The following MORN4 variants were observed in gnomAD, a reference collection of about 807,000 sequenced individuals.
MORN4 encodes the protein MORN repeat-containing protein 4.
Under a neutral mutation model 16.4 loss-of-function variants are expected in MORN4, and 8 were observed. That is an observed-to-expected ratio of 0.49 (90% CI 0.29 to 0.88). The LOEUF is 0.88. MORN4 is among the 40% of genes least tolerant of loss of function. The probability of loss-of-function intolerance (pLI) is 0.09; values close to 1 mark genes in which losing one functional copy is unlikely to be tolerated. For missense variants in MORN4, 159 were observed against 182.9 expected, an observed-to-expected ratio of 0.87 and a Z score of 0.75; for synonymous variants, 53 against 68.9, an observed-to-expected ratio of 0.77 and a Z score of 1.14.
At chr10:97,620,720 G>A (rs559273926) in intron 1 of MORN4, among the ~76,000 whole-genome samples, 57 of 152,106 alleles carry the variant, frequency 3.7e-4, no homozygotes, top group African/African-American at 1.3e-3. Context: ...ACTCACACCT[G>A]TAATCCCAGC....
chr10:97,618,857 C>A (rs1049008885), intron 2 of MORN4, among the ~76,000 whole-genome samples: 25 of 149,554 alleles, frequency 1.7e-4, no homozygotes, highest in African/African-American at 5.9e-4. Flanking sequence ...AGGCTGCCTG[C>A]TGTGTTTGCC....
chr10:97,619,391 G>C (rs1179670347), intron 2 of MORN4, 196 bp downstream of exon 2: 1 of 602,474 alleles, frequency 1.7e-6, no homozygotes, highest in Non-Finnish European at 3.0e-6. Flanking sequence ...ACTCATTCCT[G>C]GAGGTTGAAT....
chr10:97,626,203 C>T lies in MORN4; in HGVS notation c.-30-6520G>A, dbSNP rs146863933. On this transcript the variant is annotated intron_variant, in intron 1 of 4. Coordinates refer to ENST00000307450, the MANE Select transcript of MORN4 (RefSeq NM_178832.4). ...ACCAGCCTGGCCAACATGGTGAAGC[C>T]CTGTCTTTACTAAAAACACAAAAAT... Among the ~76,000 whole-genome samples the T allele has an allele frequency of 6.0e-3, 909 of 151,614 alleles. 8 individuals are homozygous for T. The highest frequency in any genetic ancestry group is 0.017 in the African/African-American group (714 of 41,380).
intron 1 of MORN4, among the ~76,000 whole-genome samples, chr10:97,631,062 T>C (rs2041391906): frequency 6.6e-6 from 1 of 152,158 alleles, no homozygotes; most frequent in Admixed American, 6.5e-5. Flanking sequence ...ACGTTGCCCA[T>C]GCTGGTCTTG....
chr10:97,616,806 G>A lies in MORN4; in HGVS notation c.183-19C>T, dbSNP rs747086294. The A allele has an allele frequency of 6.4e-7, 1 of 1,564,962 alleles. No individual in the cohort carries two copies. The highest frequency in any genetic ancestry group is 2.2e-5 in the East Asian group (1 of 44,648). ...CTCATACCTGCAGAAACACCAAGAA[G>A]TTAGCCTTCAGTGGAAAGTTAGCTG... On this transcript the variant is annotated intron_variant, in intron 3 of 4. Coordinates refer to ENST00000307450, the MANE Select transcript of MORN4 (RefSeq NM_178832.4).
At chr10:97,617,974 A>C (rs567816128) in intron 2 of MORN4, among the ~76,000 whole-genome samples, 1 of 152,256 alleles carries the variant, frequency 6.6e-6, no homozygotes. Context: ...CAAGAGTTCA[A>C]GATCAGCCTG....
chr10:97,622,770 C>G (rs1213070121), intron 1 of MORN4, among the ~76,000 whole-genome samples: 1 of 150,236 alleles, frequency 6.7e-6, no homozygotes, highest in Admixed American at 6.6e-5. Flanking sequence ...TAAACAGAGG[C>G]AAATAGTACG....
Position 97,633,357 on chromosome 10 carries a change from C to G in MORN4, c.-41G>C, listed in dbSNP as rs949652607. 3 of 1,289,830 alleles carry G rather than the reference C, an allele frequency of 2.3e-6. No homozygotes were observed. Among genetic ancestry groups the G allele is most frequent in the South Asian group, 1.2e-5 (1 of 81,018 alleles). 79.9% of individuals were successfully genotyped at this position (1,289,830 alleles called of 1,614,324 possible). On this transcript the variant is annotated 5_prime_UTR_variant, in exon 1 of 5. Transcript: ENST00000307450. This position sits in a 1 kb window ranked among gnomAD's most constrained non-coding sequence, Gnocchi z 4.5. ...GCGCCTCCAGCCAACCTGGGGCCGG[C>G]CTTTCGGGATGACCGTCACGCCTGG... is the stretch of plus-strand genomic sequence containing the variant.
At position 97,633,293 on chromosome 10, in the gene MORN4, A is replaced by G. The variant is rs1351664232; in HGVS notation, c.-31+54T>C. 5 of 1,282,756 alleles carry G rather than the reference A, an allele frequency of 3.9e-6. No individual in the cohort carries two copies. Among genetic ancestry groups the G allele is most frequent in the Admixed American group, 2.3e-5 (1 of 43,294 alleles). The allele number at this position is 1,282,756 out of a possible 1,614,324, so 79.5% of individuals were successfully genotyped here. A position where few individuals can be genotyped will look rare whatever the true frequency, so the allele number is the denominator to read the frequency against. ...TCTCGTGCTCCGTTCCTCAGTGCCC[A>G]CCTGACCGATCACACTCTTTCCCGG... On this transcript the variant is annotated intron_variant, in intron 1 of 4. Transcript: ENST00000307450. This position sits in a 1 kb window ranked among gnomAD's most constrained non-coding sequence, Gnocchi z 4.5.
At chr10:97,632,621 T>A (rs1227548459) in intron 1 of MORN4, among the ~76,000 whole-genome samples, 3 of 152,092 alleles carry the variant, frequency 2.0e-5, no homozygotes, top group Non-Finnish European at 4.4e-5. Context: ...AATGTATCGT[T>A]GCTATATGAA....
chr10:97,629,741 T>C (rs1487019593), intron 1 of MORN4, among the ~76,000 whole-genome samples: 1 of 151,882 alleles, frequency 6.6e-6, no homozygotes, highest in African/African-American at 2.4e-5. Context: ...GAGCATCATA[T>C]GGGTGTTTTT....
rs1225977621 is a variant in MORN4 at position 97,617,480 on chromosome 10, C to T, written c.68-158G>A. ...CAGAGGATTATTAGCCAGAGTCAGG[C>T]ACTGGGAAAACCTGGCTCCTGGGGC... On this transcript the variant is annotated intron_variant, in intron 2 of 4. Transcript: ENST00000307450. 2.6e-5 allele frequency among the ~76,000 whole-genome samples: 4 copies of T among 152,324 alleles called. No homozygotes were observed. In the East Asian group the frequency reaches 5.8e-4, roughly 22 times the overall value.
chr10:97,619,604 C>A lies in MORN4; in HGVS notation c.50G>T (p.Arg17Leu). The A allele has an allele frequency of 6.2e-7, 1 of 1,613,752 alleles. No homozygotes were observed. Among genetic ancestry groups the A allele is most frequent in the African/African-American group, 1.3e-5 (1 of 75,016 alleles). The change falls in exon 2 of 5, where the codon CGT becomes CTT. Residue 17 changes from arginine to leucine, a missense_variant. Transcript: ENST00000307450. Reference sequence around the variant, plus strand: ...CTTCTCACCCTCCTTCCACTCGCCACGATATTCCTCCCCACTGGAGTAGGT... The same window carrying A: ...CTTCTCACCCTCCTTCCACTCGCCAAGATATTCCTCCCCACTGGAGTAGGT... ...SFTYSSGEEY[R>L]GEWKEGRRHG... is the part of the protein sequence containing the mutation.
intron 1 of MORN4, among the ~76,000 whole-genome samples, chr10:97,630,316 C>T (rs917684402): frequency 1.3e-5 from 2 of 152,194 alleles, no homozygotes; most frequent in African/African-American, 4.8e-5. Flanking sequence ...ATCCGCCCTC[C>T]TCAACCTCCC....
At chr10:97,616,456 T>C (rs1410337096) in intron 4 of MORN4, 45 bp from the exon 5 acceptor site, 3 of 1,555,234 alleles carry the variant, frequency 1.9e-6, no homozygotes, top group Non-Finnish European at 2.6e-6. Flanking sequence ...ATGGCATTAA[T>C]GTCTCAAAGA....
rs1299522222 is a variant in MORN4, at chr10:97,614,785, G to A, written c.*1478C>T. 6.6e-6 allele frequency: 1 copy of A among 152,328 alleles called. No individual in the cohort carries two copies. 9.4% of individuals were successfully genotyped at this position (152,328 alleles called of 1,614,324 possible). A position where few individuals can be genotyped will look rare whatever the true frequency, so the allele number is the denominator to read the frequency against. ...CAGTAAGGTCTGATTGCGGCCTGAC[G>A]GTCAAGGCTCATGATAGAAGAGCTA... is the stretch of plus-strand genomic sequence containing the variant. On this transcript the variant is annotated 3_prime_UTR_variant, in exon 5 of 5. Coordinates refer to ENST00000307450, the MANE Select transcript of MORN4 (RefSeq NM_178832.4).
intron 1 of MORN4, among the ~76,000 whole-genome samples, chr10:97,623,173 G>A (rs937646326): frequency 2.0e-5 from 3 of 152,164 alleles, no homozygotes; most frequent in African/African-American, 7.2e-5. Flanking sequence ...CTGGGAACCT[G>A]CAGTTTTAAT....
rs559988816 is a variant in MORN4 at position 97,631,959 on chromosome 10, C to A, written c.-31+1388G>T. On this transcript the variant is annotated intron_variant, in intron 1 of 4. Transcript: ENST00000307450. ...TGTCTCAAAAAAAAGAAAAGAAAAG[C>A]AAAACAAAACAAAAGGTTGGGGCGG... Among the ~76,000 whole-genome samples, 27 of 152,008 alleles carry A rather than the reference C, an allele frequency of 1.8e-4. No homozygotes were observed. The South Asian group carries it at 5.2e-3, about 29-fold the overall frequency.
At chr10:97,626,379 AAATAATAAT>A (rs77465738) in intron 1 of MORN4, among the ~76,000 whole-genome samples, 1,204 of 103,542 alleles carry the variant, frequency 0.012, 18 homozygotes, top group African/African-American at 0.043. Context: ...TCTGACTCAA[AAATAATAAT>A]AATAATAATC....
Sources: allele counts gnomAD v4.1 joint callset (sites outside exome capture counted in the v4.1 genomes callset), GRCh38; gene constraint gnomAD v4.1.1; non-coding constraint Gnocchi (gnomAD v3.1); transcripts MANE v1.5; gene names NCBI Gene and HGNC (gene_info 2026-07-23, HGNC 2026-07-21).